The following DNAH11 variants were observed in gnomAD, a reference collection of about 807,000 sequenced individuals.
DNAH11 encodes the protein axonemal beta dynein heavy chain 11.
In DNAH11, 442 loss-of-function variants were observed where a neutral mutation model predicts 526.0. The observed-to-expected ratio is 0.84, with a 90% confidence interval of 0.78 to 0.91. DNAH11 has a LOEUF of 0.91. Among genes scored for constraint, DNAH11 ranks in the 40% least tolerant of loss-of-function variants. The pLI, the probability that DNAH11 is intolerant of heterozygous loss-of-function variation, is 0.00. For missense variants in DNAH11, 6,989 were observed against 5,448.7 expected, an observed-to-expected ratio of 1.28 and a Z score of -8.90; for synonymous variants, 2,461 against 1,935.9, an observed-to-expected ratio of 1.27 and a Z score of -7.12.
chr7:21,850,326 A>C lies in DNAH11; in HGVS notation c.10897-2141A>C, dbSNP rs1457098704. On this transcript the variant is annotated intron_variant, in intron 66 of 81. Coordinates refer to ENST00000409508, the MANE Select transcript of DNAH11 (RefSeq NM_001277115.2). ...ACCCGAGATGGCGCCACAGCGCTCC[A>C]GCCTGGGCGACAGAGGAGACTCTGT... Among the ~76,000 whole-genome samples the C allele has an allele frequency of 8.8e-5, 13 of 147,632 alleles. 1 individual carries two copies. Among genetic ancestry groups the C allele is most frequent in the African/African-American group, 3.2e-4 (13 of 40,426 alleles).
chr7:21,721,191 C>T (rs544868554), intron 44 of DNAH11, among the ~76,000 whole-genome samples: 2 of 152,324 alleles, frequency 1.3e-5, no homozygotes. Context: ...CTGCCCCATA[C>T]TCCAACTTGC....
chr7:21,617,021 C>T (rs1785813644), intron 22 of DNAH11, among the ~76,000 whole-genome samples: 1 of 152,172 alleles, frequency 6.6e-6, no homozygotes, highest in Non-Finnish European at 1.5e-5. Context: ...AATGTCCCTT[C>T]ATTCTTTCGG....
At chr7:21,624,422 T>C (rs1055382077) in intron 25 of DNAH11, among the ~76,000 whole-genome samples, 3 of 152,196 alleles carry the variant, frequency 2.0e-5, no homozygotes, top group African/African-American at 4.8e-5. Context: ...CCTTACAAGT[T>C]TGCTTTATTC....
intron 74 of DNAH11, among the ~76,000 whole-genome samples, chr7:21,873,779 G>C (rs1345179819): frequency 1.2e-5 from 1 of 86,680 alleles, no homozygotes; most frequent in Admixed American, 1.4e-4. Context: ...TTCTTGAGGA[G>C]GTTGCTTTTT....
At position 21,735,095 on chromosome 7, in the gene DNAH11, A is replaced by G. The variant is rs567568512; in HGVS notation, c.7441-545A>G. Among the ~76,000 whole-genome samples, 6 of 152,090 alleles carry G rather than the reference A, an allele frequency of 3.9e-5. No homozygotes were observed. In the East Asian group the frequency reaches 1.2e-3, roughly 29 times the overall value. On this transcript the variant is annotated intron_variant, in intron 45 of 81. Coordinates refer to ENST00000409508, the MANE Select transcript of DNAH11 (RefSeq NM_001277115.2). ...TGAAGTGGGAGAATAACCTAAGCTC[A>G]GGAAGTCGAGGCTGCAGTGAGCCAT...
In DNAH11 at chr7:21,797,573, C is replaced by T. The variant is rs896870056; in HGVS notation, c.10027-3564C>T. On this transcript the variant is annotated intron_variant, in intron 61 of 81. Coordinates refer to ENST00000409508, the MANE Select transcript of DNAH11 (RefSeq NM_001277115.2). ...GTTTACATATTTATGTTTATATTAA[C>T]TGTATTCATGTGAGACACTAGTGCT... Among the ~76,000 whole-genome samples the T allele has an allele frequency of 9.2e-5, 14 of 152,272 alleles. 1 individual carries two copies. The highest frequency in any genetic ancestry group is 2.6e-4 in the African/African-American group (11 of 41,524).
intron 5 of DNAH11, among the ~76,000 whole-genome samples, chr7:21,563,596 A>G (rs1238373357): frequency 6.6e-6 from 1 of 152,206 alleles, no homozygotes; most frequent in African/African-American, 2.4e-5. Flanking sequence ...TATGTAATTC[A>G]TTCCAGTTTT....
chr7:21,619,301 T>C lies in DNAH11; in HGVS notation c.4377+79T>C, dbSNP rs573575969. On this transcript the variant is annotated intron_variant, in intron 24 of 81. Coordinates refer to ENST00000409508, the MANE Select transcript of DNAH11 (RefSeq NM_001277115.2). ...TAGAAGCCAACTTAGAGAAAAGTCC[T>C]TTTGATGTCCTGGGAGCCTGGAGAG... The C allele has an allele frequency of 2.6e-4, 389 of 1,509,788 alleles. 3 individuals are homozygous for C. In the South Asian group the frequency reaches 4.8e-3, roughly 19 times the overall value. The allele number at this position is 1,509,788 out of a possible 1,614,324, so 93.5% of individuals were successfully genotyped here. A position where few individuals can be genotyped will look rare whatever the true frequency, so the allele number is the denominator to read the frequency against.
At chr7:21,776,804 G>A (rs1396254349) in intron 56 of DNAH11, among the ~76,000 whole-genome samples, 3 of 152,150 alleles carry the variant, frequency 2.0e-5, no homozygotes, top group Non-Finnish European at 4.4e-5. Context: ...ACAAAGCATA[G>A]TACAGACAGG....
In DNAH11 at chr7:21,787,431, T is replaced by C. The variant is rs1041863908; in HGVS notation, c.9772T>C (p.Tyr3258His). The C allele has an allele frequency of 1.2e-6, 2 of 1,610,356 alleles. No individual in the cohort carries two copies. Among genetic ancestry groups the C allele is most frequent in the Admixed American group, 3.4e-5 (2 of 59,526 alleles). ...TGATTTTTTGCAAGCATTAATTAAC[T>C]ATGACAAAGAGCACATTCCAGAGAA... Reference protein sequence around the residue: ...VDDFLQALINYDKEHIPENCL... With the variant: ...VDDFLQALINHDKEHIPENCL... The change falls in exon 60 of 82, where the codon TAT becomes CAT. Residue 3258 changes from tyrosine (Y) to histidine (H), a missense_variant. Physicochemically the swap from Tyr to His is moderately conservative, Grantham distance 83 (BLOSUM62 2). Transcript: ENST00000409508.
intron 66 of DNAH11, among the ~76,000 whole-genome samples, chr7:21,843,473 G>A (rs1179650192): frequency 7.3e-6 from 1 of 137,504 alleles, no homozygotes; most frequent in Non-Finnish European, 1.5e-5. Context: ...CTATGCTCAG[G>A]TTTTTTTTGT....
chr7:21,847,217 A>G (rs940806659), intron 66 of DNAH11, among the ~76,000 whole-genome samples: 1 of 152,168 alleles, frequency 6.6e-6, no homozygotes, highest in African/African-American at 2.4e-5. Flanking sequence ...TGTATTCACA[A>G]GCTTGCTTTA....
intron 39 of DNAH11, among the ~76,000 whole-genome samples, chr7:21,706,321 A>G (rs1367632362): frequency 6.6e-6 from 1 of 152,058 alleles, no homozygotes; most frequent in East Asian, 1.9e-4. Flanking sequence ...ATTTTAATTC[A>G]GGATGCTTGG....
intron 69 of DNAH11, among the ~76,000 whole-genome samples, chr7:21,864,264 C>T (rs533021090): frequency 2.6e-4 from 39 of 152,252 alleles, no homozygotes; most frequent in Admixed American, 9.8e-4. Flanking sequence ...AATACGAATG[C>T]ATATTTTAAA....
intron 18 of DNAH11, among the ~76,000 whole-genome samples, chr7:21,605,247 T>C (rs1785237301): frequency 6.6e-6 from 1 of 152,230 alleles, no homozygotes. Context: ...AAATAGTCTT[T>C]AGAACCTTTG....
intron 2 of DNAH11, among the ~76,000 whole-genome samples, chr7:21,550,071 AT>A (rs573556712): frequency 7.6e-4 from 116 of 151,846 alleles, no homozygotes; most frequent in Admixed American, 5.9e-3. Flanking sequence ...TTGTTGTTAG[AT>A]TTTTCTGGGT....
At chr7:21,620,769 G>A (rs1316442284) in intron 25 of DNAH11, among the ~76,000 whole-genome samples, 4 of 129,802 alleles carry the variant, frequency 3.1e-5, no homozygotes, top group Non-Finnish European at 4.6e-5. Context: ...CTGTGTCCAT[G>A]TGTTCTCATT....
rs143307337 is a variant in DNAH11 at position 21,780,271 on chromosome 7, C to G, written c.9483+1167C>G. 3.8e-3 allele frequency among the ~76,000 whole-genome samples: 581 copies of G among 152,170 alleles called. 14 individuals carry two copies. The highest frequency in any genetic ancestry group is 0.032 in the Admixed American group (487 of 15,276). The stretch of plus-strand genomic sequence containing the variant: ...ATGTCCTTAAAAGTATATTATTGGG[C>G]TGAGTACAGTGGCCTGTAATCCCTG... On this transcript the variant is annotated intron_variant, in intron 57 of 81. Coordinates refer to ENST00000409508, the MANE Select transcript of DNAH11 (RefSeq NM_001277115.2).
intron 5 of DNAH11, among the ~76,000 whole-genome samples, chr7:21,562,271 T>C (rs1424593192): frequency 2.6e-5 from 4 of 152,190 alleles, no homozygotes; most frequent in African/African-American, 9.6e-5. Flanking sequence ...ATCTCTGGCC[T>C]TTACCTGCTG....
Sources: gnomAD v4.1 joint callset for allele counts (sites outside exome capture counted in the v4.1 genomes callset) on GRCh38, gnomAD v4.1.1 for gene constraint, MANE v1.5 for transcripts, NCBI Gene and HGNC (gene_info 2026-07-23, HGNC 2026-07-21) for gene names.